Variants in GALNT13 observed in about 807,000 individuals in gnomAD.
The protein encoded by GALNT13 is UDP-GalNAc:polypeptide N-acetylgalactosaminyltransferase 13.
Under a neutral mutation model 64.2 loss-of-function variants are expected in GALNT13, and 28 were observed. The observed-to-expected ratio is 0.44, with a 90% CI of 0.32 to 0.60. The LOEUF (loss-of-function observed/expected upper bound fraction) is 0.60. Among genes scored for constraint, GALNT13 ranks in the 20% least tolerant of loss-of-function variants. The pLI, the probability that GALNT13 is intolerant of heterozygous loss-of-function variation, is 0.05. For missense variants in GALNT13, 577 were observed against 669.8 expected, an observed-to-expected ratio of 0.86 and a Z score of 1.53; for synonymous variants, 214 against 224.6, an observed-to-expected ratio of 0.95 and a Z score of 0.42.
the GALNT13 span, among the ~76,000 whole-genome samples, chr2:153,781,244 T>C: frequency 4.6e-5 from 7 of 152,282 alleles, no homozygotes; most frequent in African/African-American, 1.4e-4. Flanking sequence ...ATGCAGCATA[T>C]TGGATTGAGA....
chr2:153,416,285 G>A, the GALNT13 span, among the ~76,000 whole-genome samples: 3 of 152,262 alleles, frequency 2.0e-5, no homozygotes, highest in East Asian at 5.8e-4. Flanking sequence ...GTGTCTCATA[G>A]GTCTCTTCCA....
the GALNT13 span, among the ~76,000 whole-genome samples, chr2:153,286,312 C>T: frequency 6.6e-6 from 1 of 151,990 alleles, no homozygotes; most frequent in Non-Finnish European, 1.5e-5. Flanking sequence ...CTTTACAATT[C>T]TCTTATGAAA....
At chr2:153,227,343 A>G in the GALNT13 span, among the ~76,000 whole-genome samples, 2 of 152,200 alleles carry the variant, frequency 1.3e-5, no homozygotes, top group African/African-American at 4.8e-5. Flanking sequence ...GGGCCAATGT[A>G]GCAGAAAGAG....
chr2:153,338,167 G>T, the GALNT13 span, among the ~76,000 whole-genome samples: 1 of 152,070 alleles, frequency 6.6e-6, no homozygotes, highest in African/African-American at 2.4e-5. Context: ...GTGGCAAACA[G>T]TGGTAGTCCT....
the GALNT13 span, among the ~76,000 whole-genome samples, chr2:153,344,065 T>C: frequency 6.6e-5 from 10 of 152,324 alleles, no homozygotes; most frequent in East Asian, 3.9e-4. Context: ...TCTTTTTTTT[T>C]CCCTGAAACA....
intron 11 of GALNT13, among the ~76,000 whole-genome samples, chr2:154,416,518 A>C (rs866691161): frequency 6.6e-6 from 1 of 152,108 alleles, no homozygotes; most frequent in Non-Finnish European, 1.5e-5. Flanking sequence ...TTAGACTACA[A>C]CAAATGATAA....
In GALNT13 at chr2:153,917,402, C is replaced by T. The variant is rs1020856677; in HGVS notation, c.-105+16395C>T. Among the ~76,000 whole-genome samples, 5 of 152,120 alleles carry T rather than the reference C, an allele frequency of 3.3e-5. No homozygotes were observed. The East Asian group carries it at 9.7e-4, about 29-fold the overall frequency. On this transcript the variant is annotated intron_variant, in intron 2 of 12. Transcript: ENST00000392825. ...AACCCCCAATAACTTCCCTTTACAT[C>T]TCTTCCCCATCAATAACCTTCTGGT...
chr2:154,435,764 T>C (rs1700934803), intron 11 of GALNT13: 1 of 152,190 alleles, frequency 6.6e-6, no homozygotes, highest in Non-Finnish European at 1.5e-5. Context: ...AAATATCAGC[T>C]ACTGAATTTT....
chr2:153,630,797 ATATATATATATTTTTTT>A, the GALNT13 span, among the ~76,000 whole-genome samples: 15 of 16,476 alleles, frequency 9.1e-4, no homozygotes, highest in African/African-American at 3.3e-3. Flanking sequence ...ATATATATAT[ATATATATATATTTTTTT>A]TTTTTTTTTT....
chr2:154,179,384 T>G (rs1038931269), intron 4 of GALNT13, among the ~76,000 whole-genome samples: 2 of 152,196 alleles, frequency 1.3e-5, no homozygotes, highest in Non-Finnish European at 2.9e-5. Context: ...TAATGCTGTT[T>G]TGCTGATTTC....
At chr2:153,977,539 C>T (rs190002335) in intron 3 of GALNT13, among the ~76,000 whole-genome samples, 1,558 of 152,284 alleles carry the variant, frequency 0.01, 13 homozygotes, top group South Asian at 0.018. Context: ...GAAACCACCA[C>T]CATGATTCAA....
chr2:153,871,236 CT>C (rs1685906169), upstream of GALNT13, among the ~76,000 whole-genome samples: 1 of 152,188 alleles, frequency 6.6e-6, no homozygotes, highest in Admixed American at 6.5e-5. Flanking sequence ...CAAAGCCCCA[CT>C]TTTTTCTTTA....
At chr2:154,106,322 T>C (rs1272678312) in intron 3 of GALNT13, among the ~76,000 whole-genome samples, 1 of 152,146 alleles carries the variant, frequency 6.6e-6, no homozygotes, top group Non-Finnish European at 1.5e-5. Context: ...TTTTTATATT[T>C]TAGTTTATGA....
chr2:153,279,862 A>G, the GALNT13 span, among the ~76,000 whole-genome samples: 5 of 151,878 alleles, frequency 3.3e-5, no homozygotes, highest in African/African-American at 1.2e-4. Context: ...CATTGGTATC[A>G]GGGTAATACT....
the GALNT13 span, among the ~76,000 whole-genome samples, chr2:153,752,941 T>C: frequency 6.6e-6 from 1 of 152,302 alleles, no homozygotes; most frequent in African/African-American, 2.4e-5. Context: ...CTTTTTATTA[T>C]TTTTCCTTTG....
the GALNT13 span, among the ~76,000 whole-genome samples, chr2:153,333,577 A>G: frequency 2.6e-5 from 4 of 151,992 alleles, no homozygotes; most frequent in Admixed American, 6.6e-5. Flanking sequence ...TACCATCTTG[A>G]AAAAAAACTG....
chr2:154,390,971 G>C (rs187193283), intron 9 of GALNT13, among the ~76,000 whole-genome samples: 1 of 152,294 alleles, frequency 6.6e-6, no homozygotes, highest in Non-Finnish European at 1.5e-5. Flanking sequence ...CAAGTGCCTA[G>C]AAAAGTCCCT....
the GALNT13 span, among the ~76,000 whole-genome samples, chr2:153,134,990 A>G: frequency 6.6e-6 from 1 of 152,174 alleles, no homozygotes; most frequent in Non-Finnish European, 1.5e-5. Context: ...CAGGTTTTCC[A>G]TTGCATTAGT....
At chr2:153,876,138 A>G (rs1686351473) in intron 1 of GALNT13, among the ~76,000 whole-genome samples, 1 of 152,014 alleles carries the variant, frequency 6.6e-6, no homozygotes, top group African/African-American at 2.4e-5. Flanking sequence ...AGTCCTACAT[A>G]TATATACTCA....
Sources: gnomAD v4.1 joint callset for allele counts (sites outside exome capture counted in the v4.1 genomes callset) on GRCh38, gnomAD v4.1.1 for gene constraint, MANE v1.5 for transcripts, NCBI Gene and HGNC (gene_info 2026-07-23, HGNC 2026-07-21) for gene names.